Variants in DPYD observed in about 807,000 individuals in gnomAD.
DPYD encodes dihydropyrimidine dehydrogenase [NADP(+)].
In DPYD, 109 loss-of-function variants were observed where a neutral mutation model predicts 116.2. The ratio of observed to expected loss-of-function variants is 0.94; its 90% CI spans 0.80 to 1.10. DPYD has a LOEUF of 1.10. Ranked by LOEUF, DPYD falls within the 50% of genes least tolerant of loss-of-function variation. The probability of loss-of-function intolerance (pLI) is 0.00; values close to 1 mark genes in which losing one functional copy is unlikely to be tolerated. For missense variants in DPYD, 1,302 were observed against 1,254.5 expected, an observed-to-expected ratio of 1.04 and a Z score of -0.57; for synonymous variants, 440 against 432.0, an observed-to-expected ratio of 1.02 and a Z score of -0.23.
chr1:97,665,176 A>C (rs1247688657), intron 8 of DPYD, among the ~76,000 whole-genome samples: 2 of 152,190 alleles, frequency 1.3e-5, no homozygotes, highest in Non-Finnish European at 2.9e-5. Flanking sequence ...AGAGTACTCC[A>C]TTAACCAAAT....
At chr1:97,401,521 C>T (rs1001189485) in intron 14 of DPYD, among the ~76,000 whole-genome samples, 1 of 152,094 alleles carries the variant, frequency 6.6e-6, no homozygotes, top group Non-Finnish European at 1.5e-5. Flanking sequence ...GCCATGTTGG[C>T]CAGGCTGGTT....
chr1:97,316,242 C>T (rs555220672), intron 16 of DPYD, among the ~76,000 whole-genome samples: 1 of 151,778 alleles, frequency 6.6e-6, no homozygotes, highest in African/African-American at 2.4e-5. Context: ...GTAATCCCAG[C>T]ACTTTGGAAG....
At chr1:97,574,038 A>C in intron 10 of DPYD, 68 bp from the exon 11 acceptor site, 1 of 1,579,606 alleles carries the variant, frequency 6.3e-7, no homozygotes, top group Non-Finnish European at 8.6e-7. Context: ...TTGATTTCTA[A>C]TTGAATTACA....
intron 13 of DPYD, among the ~76,000 whole-genome samples, chr1:97,468,711 G>C (rs547625036): frequency 6.6e-6 from 1 of 152,124 alleles, no homozygotes; most frequent in South Asian, 2.1e-4. Flanking sequence ...TTTGACCCAC[G>C]GGGCTATCAT....
chr1:97,157,026 C>G (rs968957421), intron 20 of DPYD, among the ~76,000 whole-genome samples: 2 of 147,298 alleles, frequency 1.4e-5, no homozygotes, highest in Non-Finnish European at 3.0e-5. Context: ...AACAAAAAAC[C>G]AAACACCGCA....
intron 8 of DPYD, among the ~76,000 whole-genome samples, chr1:97,655,039 G>A (rs1002386460): frequency 3.3e-5 from 5 of 152,012 alleles, no homozygotes; most frequent in South Asian, 2.1e-4. Context: ...CTCCCACCCC[G>A]TCCCTCTCAC....
intron 13 of DPYD, among the ~76,000 whole-genome samples, chr1:97,511,709 G>A (rs1570871023): frequency 6.6e-6 from 1 of 152,000 alleles, no homozygotes; most frequent in African/African-American, 2.4e-5. Flanking sequence ...TAAAGATGTA[G>A]TATATTCCTT....
At chr1:97,356,595 T>G (rs1670441822) in intron 16 of DPYD, among the ~76,000 whole-genome samples, 1 of 152,248 alleles carries the variant, frequency 6.6e-6, no homozygotes, top group Non-Finnish European at 1.5e-5. Context: ...AATCATTATC[T>G]AGACCAATAT....
intron 14 of DPYD, among the ~76,000 whole-genome samples, chr1:97,435,868 T>A (rs1295336764): frequency 1.3e-5 from 2 of 151,690 alleles, no homozygotes; most frequent in African/African-American, 4.8e-5. Context: ...AGAAAAAAAA[T>A]ATATAGTTAT....
chr1:97,789,359 G>A (rs1040575478), intron 3 of DPYD, among the ~76,000 whole-genome samples: 6 of 152,156 alleles, frequency 3.9e-5, no homozygotes, highest in African/African-American at 1.4e-4. Context: ...ATGAGACACA[G>A]TTTAATGATA....
intron 8 of DPYD, among the ~76,000 whole-genome samples, chr1:97,660,219 G>A (rs1335319468): frequency 6.6e-6 from 1 of 151,980 alleles, no homozygotes; most frequent in Non-Finnish European, 1.5e-5. Flanking sequence ...GATAAAACTG[G>A]CTCAAACCAG....
intron 11 of DPYD, among the ~76,000 whole-genome samples, chr1:97,553,918 G>A (rs144416150): frequency 1.6e-3 from 242 of 152,166 alleles, no homozygotes; most frequent in African/African-American, 5.4e-3. Flanking sequence ...GAATGAAAAC[G>A]TCCTTAATTC....
At chr1:97,544,611 C>A (rs1454907858) in intron 12 of DPYD, among the ~76,000 whole-genome samples, 2 of 148,934 alleles carry the variant, frequency 1.3e-5, no homozygotes, top group East Asian at 3.9e-4. Flanking sequence ...AAAATAATTT[C>A]TTTTTTTTTC....
At chr1:97,353,700 T>A in intron 16 of DPYD, among the ~76,000 whole-genome samples, 1 of 149,930 alleles carries the variant, frequency 6.7e-6, no homozygotes, top group Non-Finnish European at 1.5e-5. Flanking sequence ...CTTAAAAGTC[T>A]CAAAAAAAAT....
intron 2 of DPYD, among the ~76,000 whole-genome samples, chr1:97,843,372 T>C (rs933230288): frequency 6.6e-6 from 1 of 152,154 alleles, no homozygotes; most frequent in Non-Finnish European, 1.5e-5. Context: ...GAAGAGGCTA[T>C]TTTACCTCAT....
intron 11 of DPYD, among the ~76,000 whole-genome samples, chr1:97,553,969 TTAC>T (rs142988084): frequency 0.074 from 11,205 of 152,158 alleles, 574 homozygotes; most frequent in Non-Finnish European, 0.11. Context: ...TCTGCTTTAA[TTAC>T]TACTATGTTC....
At chr1:97,331,487 C>T (rs917438914) in intron 16 of DPYD, among the ~76,000 whole-genome samples, 1 of 152,076 alleles carries the variant, frequency 6.6e-6, no homozygotes, top group African/African-American at 2.4e-5. Context: ...CTCAAACAAA[C>T]AACCCCCCTG....
chr1:97,115,138 G>T (rs1275859970), intron 20 of DPYD, among the ~76,000 whole-genome samples: 2 of 152,136 alleles, frequency 1.3e-5, no homozygotes, highest in African/African-American at 4.8e-5. Context: ...AATGGTGTGG[G>T]TTCTATTACA....
At chr1:97,697,689 AT>A (rs1306427329) in intron 6 of DPYD, among the ~76,000 whole-genome samples, 3 of 152,092 alleles carry the variant, frequency 2.0e-5, no homozygotes, top group Admixed American at 6.5e-5. Flanking sequence ...CACTAAAAAA[AT>A]GTTCAGCAAA....
Sources: allele counts gnomAD v4.1 joint callset (sites outside exome capture counted in the v4.1 genomes callset), GRCh38; gene constraint gnomAD v4.1.1; transcripts MANE v1.5; gene names NCBI Gene and HGNC (gene_info 2026-07-23, HGNC 2026-07-21).